Variants in FGF14 observed in about 807,000 individuals in gnomAD.
The protein encoded by FGF14 is fibroblast growth factor 14, also known as fibroblast growth factor homologous factor 4.
A neutral mutation model predicts 25.5 loss-of-function variants in FGF14; 5 were observed. The observed-to-expected ratio is 0.20, with a 90% CI of 0.10 to 0.41. The LOEUF (loss-of-function observed/expected upper bound fraction) is 0.41, where lower values mean the gene tolerates loss of function less well. Ranked by LOEUF, FGF14 falls within the 10% of genes least tolerant of loss-of-function variation. The pLI is 1.00. For synonymous variants in FGF14, 138 were observed against 118.3 expected (o/e 1.17, Z -1.08); for missense variants, 222 against 320.1 (o/e 0.69, Z 2.34).
At chr13:102,003,664 GCT>G (rs2039625657) in intron 1 of FGF14, among the ~76,000 whole-genome samples, 2 of 135,438 alleles carry the variant, frequency 1.5e-5, no homozygotes, top group African/African-American at 6.4e-5. Flanking sequence ...CAAGGGGTTA[GCT>G]TTTTTTTTTT....
chr13:102,304,037 T>C (rs1217382491), intron 1 of FGF14, among the ~76,000 whole-genome samples: 1 of 152,176 alleles, frequency 6.6e-6, no homozygotes, highest in African/African-American at 2.4e-5. Flanking sequence ...TGGTGTTTAT[T>C]GATGCAAATG....
At chr13:101,886,563 T>C (rs2045998429) in intron 1 of FGF14, among the ~76,000 whole-genome samples, 1 of 152,156 alleles carries the variant, frequency 6.6e-6, no homozygotes, top group Admixed American at 6.6e-5. Context: ...GATTTAAATG[T>C]AATACGTAAG....
intron 3 of FGF14, among the ~76,000 whole-genome samples, chr13:101,764,758 G>T (rs924189301): frequency 6.6e-5 from 10 of 152,172 alleles, no homozygotes; most frequent in African/African-American, 2.4e-4. Context: ...AAGAGGTACT[G>T]AAGTTAAGGA....
intron 1 of FGF14, chr13:102,294,001 A>T (rs2054566428): frequency 6.6e-6 from 1 of 152,198 alleles, no homozygotes; most frequent in Non-Finnish European, 1.5e-5. Context: ...ATATTCCATG[A>T]GTATTCAGGG....
chr13:101,814,410 C>T (rs544077568), intron 3 of FGF14, among the ~76,000 whole-genome samples: 2 of 152,318 alleles, frequency 1.3e-5, no homozygotes, highest in Admixed American at 6.5e-5. Flanking sequence ...AATGTATCTT[C>T]ACAATATTTA....
At chr13:102,058,183 A>T (rs553597153) in intron 1 of FGF14, among the ~76,000 whole-genome samples, 9 of 152,326 alleles carry the variant, frequency 5.9e-5, no homozygotes, top group Admixed American at 2.0e-4. Flanking sequence ...TCCTGCTTAT[A>T]TGGATGTGAT....
Position 102,278,627 on chromosome 13 carries a change from A to AATATATATATATATATATAT in FGF14, c.208+122843_208+122844insATATATATATATATATATAT, listed in dbSNP as rs10578533. 3.9e-3 allele frequency among the ~76,000 whole-genome samples: 572 copies of AATATATATATATATATATAT among 147,366 alleles called. 4 individuals carry two copies. Among genetic ancestry groups the AATATATATATATATATATAT allele is most frequent in the African/African-American group, 5.7e-3 (226 of 39,848 alleles). On this transcript the variant is annotated intron_variant, in intron 1 of 4. Coordinates refer to the FGF14 transcript ENST00000376131. ...GTGTCACTCTACATACATTTTATGT[A>AATATATATATATATATATAT]ATATATATATATATATATACATACA...
intron 1 of FGF14, among the ~76,000 whole-genome samples, chr13:102,309,131 A>AACAC (rs1247982990): frequency 2.0e-5 from 1 of 50,136 alleles, no homozygotes; most frequent in African/African-American, 1.4e-4. Context: ...ATACATGCAT[A>AACAC]ACATACACAC....
intron 3 of FGF14, among the ~76,000 whole-genome samples, chr13:101,837,349 G>A (rs982875634): frequency 6.6e-6 from 1 of 152,060 alleles, no homozygotes; most frequent in Non-Finnish European, 1.5e-5. Context: ...TGTGAGCTCT[G>A]CTATGCCAGT....
intron 1 of FGF14, among the ~76,000 whole-genome samples, chr13:102,302,085 G>A (rs1023650459): frequency 1.3e-5 from 2 of 152,236 alleles, no homozygotes; most frequent in African/African-American, 4.8e-5. Context: ...GCTTGTTCAA[G>A]AGCATTACCA....
intron 1 of FGF14, among the ~76,000 whole-genome samples, chr13:102,203,139 A>G (rs1193926583): frequency 6.6e-6 from 1 of 152,152 alleles, no homozygotes; most frequent in Non-Finnish European, 1.5e-5. Flanking sequence ...GTTTTATTAC[A>G]GCATGTGTTT....
intron 1 of FGF14, among the ~76,000 whole-genome samples, chr13:102,037,981 C>T (rs1348905178): frequency 1.3e-5 from 2 of 151,940 alleles, no homozygotes; most frequent in Non-Finnish European, 2.9e-5. Flanking sequence ...AAATGAGATA[C>T]GAATATGAAT....
chr13:101,836,210 G>A (rs558052336), intron 3 of FGF14, among the ~76,000 whole-genome samples: 84 of 152,080 alleles, frequency 5.5e-4, no homozygotes, highest in Non-Finnish European at 9.1e-4. Flanking sequence ...AGAACAAGCT[G>A]GTAAATGTGC....
chr13:101,998,225 G>A (rs7324481), intron 1 of FGF14, among the ~76,000 whole-genome samples: 1 of 152,060 alleles, frequency 6.6e-6, no homozygotes, highest in Admixed American at 6.5e-5. Flanking sequence ...TGCACCATAG[G>A]ACTTCTGCTT....
chr13:102,259,424 C>A (rs1329448020), intron 1 of FGF14, among the ~76,000 whole-genome samples: 1 of 152,100 alleles, frequency 6.6e-6, no homozygotes, highest in East Asian at 1.9e-4. Flanking sequence ...TGTTGTCCAT[C>A]CAACATCTCT....
intron 1 of FGF14, among the ~76,000 whole-genome samples, chr13:102,061,835 T>C (rs1382165923): frequency 6.6e-6 from 1 of 152,170 alleles, no homozygotes; most frequent in Non-Finnish European, 1.5e-5. Flanking sequence ...AGAGATCACA[T>C]GTAGGTGTTC....
intron 1 of FGF14, among the ~76,000 whole-genome samples, chr13:102,082,236 G>GAAA (rs757564981): frequency 1.7e-5 from 2 of 115,766 alleles, no homozygotes; most frequent in Non-Finnish European, 1.9e-5. Flanking sequence ...GGGGCTTAAG[G>GAAA]AAAAAAAAAA....
chr13:102,158,072 G>A (rs1345522294), intron 1 of FGF14, among the ~76,000 whole-genome samples: 1 of 152,188 alleles, frequency 6.6e-6, no homozygotes, highest in Non-Finnish European at 1.5e-5. Flanking sequence ...CACTGTTGGT[G>A]GGACTGTAAA....
intron 1 of FGF14, among the ~76,000 whole-genome samples, chr13:101,914,943 C>T (rs928867236): frequency 1.3e-5 from 2 of 152,096 alleles, no homozygotes; most frequent in African/African-American, 4.8e-5. Flanking sequence ...TTAAGGCAGT[C>T]GAGTTGGTCT....
Sources: gnomAD v4.1 joint callset for allele counts (sites outside exome capture counted in the v4.1 genomes callset) on GRCh38, gnomAD v4.1.1 for gene constraint, MANE v1.5 for transcripts, NCBI Gene and HGNC (gene_info 2026-07-23, HGNC 2026-07-21) for gene names.